The following ALDH2 variants were observed in gnomAD, a reference collection of about 807,000 sequenced individuals.
The protein encoded by ALDH2 is aldehyde dehydrogenase 2 family member, also known as aldehyde dehydrogenase, mitochondrial.
In ALDH2, 44 loss-of-function variants were observed where a neutral mutation model predicts 59.6. That is an observed-to-expected ratio of 0.74 (90% CI 0.58 to 0.95). The LOEUF is 0.95. Among genes scored for constraint, ALDH2 ranks in the 40% least tolerant of loss-of-function variants. ALDH2 has a pLI of 0.00. For synonymous variants in ALDH2, 291 were observed against 284.0 expected (o/e 1.02, Z -0.25); for missense variants, 570 against 696.3 (o/e 0.82, Z 2.04).
chr12:111,808,021 C>T (rs558782815), intron 12 of ALDH2, among the ~76,000 whole-genome samples: 8 of 152,022 alleles, frequency 5.3e-5, no homozygotes, highest in South Asian at 4.2e-4. Context: ...GGATTACAGG[C>T]GCCTGCCACC....
intron 10 of ALDH2, among the ~76,000 whole-genome samples, chr12:111,799,508 T>C (rs1272184284): frequency 6.6e-6 from 1 of 150,474 alleles, no homozygotes; most frequent in East Asian, 2.0e-4. Context: ...AGGGTCTCTC[T>C]GTGTTTGCCA....
chr12:111,774,680 G>A (rs968742355), intron 1 of ALDH2, among the ~76,000 whole-genome samples: 2 of 152,136 alleles, frequency 1.3e-5, no homozygotes, highest in Non-Finnish European at 2.9e-5. Context: ...TTTCATTGGA[G>A]ACCCTGGGCA....
intron 9 of ALDH2, among the ~76,000 whole-genome samples, chr12:111,794,863 G>A (rs929666522): frequency 3.3e-5 from 5 of 152,218 alleles, no homozygotes; most frequent in Admixed American, 3.3e-4. Context: ...AGCATAAAAT[G>A]CACCATTTTA....
intron 4 of ALDH2, among the ~76,000 whole-genome samples, chr12:111,787,390 G>A (rs1170890834): frequency 6.6e-6 from 1 of 152,160 alleles, no homozygotes; most frequent in African/African-American, 2.4e-5. Context: ...ACCTGTTCTT[G>A]TACCTCCATG....
At position 111,790,532 on chromosome 12, in the gene ALDH2, C is replaced by T. The variant is rs138201631; in HGVS notation, c.651C>T (p.Thr217=). Residue 217 remains threonine, a synonymous_variant, in exon 6 of 13, where the codon ACC becomes ACT. Coordinates refer to ENST00000261733, the MANE Select transcript of ALDH2 (RefSeq NM_000690.4). ...VMKVAEQTPL[T]ALYVANLIKE... is the part of the protein sequence containing the mutation. ...AGGTAGCTGAGCAGACACCCCTCAC[C>T]GCCCTCTATGTGGCCAACCTGATCA... 397 of 1,614,156 alleles carry T rather than the reference C, an allele frequency of 2.5e-4. No individual in the cohort carries two copies. In the African/African-American group the frequency reaches 3.3e-3, roughly 14 times the overall value.
chr12:111,768,972 G>A (rs1445319103), intron 1 of ALDH2, among the ~76,000 whole-genome samples: 1 of 152,158 alleles, frequency 6.6e-6, no homozygotes, highest in Non-Finnish European at 1.5e-5. Flanking sequence ...AACAGAACAA[G>A]ACCCTGTCTC....
chr12:111,777,943 C>T (rs1207216717), intron 1 of ALDH2, among the ~76,000 whole-genome samples: 5 of 152,186 alleles, frequency 3.3e-5, no homozygotes, highest in African/African-American at 4.8e-5. Flanking sequence ...TGTTCTTCTC[C>T]GGTGCCAAGA....
At chr12:111,787,968 G>A (rs2068323504) in intron 4 of ALDH2, among the ~76,000 whole-genome samples, 1 of 152,094 alleles carries the variant, frequency 6.6e-6, no homozygotes, top group Admixed American at 6.6e-5. Flanking sequence ...GAACCTGGGA[G>A]GTGGAGCTTG....
At chr12:111,784,967 G>A (rs752335420) in intron 3 of ALDH2, among the ~76,000 whole-genome samples, 13 of 152,132 alleles carry the variant, frequency 8.5e-5, no homozygotes, top group Non-Finnish European at 1.3e-4. Flanking sequence ...TAAGCTCCAC[G>A]CTGGTCTCTA....
chr12:111,798,013 A>G, intron 9 of ALDH2, 65 bp from the exon 10 acceptor site: 1 of 1,592,918 alleles, frequency 6.3e-7, no homozygotes, highest in South Asian at 1.1e-5. Flanking sequence ...GCATAATTCT[A>G]AGCCTGAAGC....
chr12:111,798,095 T>G lies in ALDH2; in HGVS notation c.1101T>G (p.Phe367Leu), dbSNP rs2068419883. The G allele has an allele frequency of 1.9e-6, 3 of 1,614,130 alleles. No homozygotes were observed. The African/African-American group carries it at 4.0e-5, about 22-fold the overall frequency. Residue 367 changes from phenylalanine (F) to leucine (L), a missense_variant, in exon 10 of 13, where the codon TTT becomes TTG. By Grantham distance (22) the Phe-to-Leu change is conservative. Transcript: ENST00000261733. ...EQGPQVDETQFKKILGYINTG... is the reference protein window; with the variant it reads ...EQGPQVDETQLKKILGYINTG... ...TCCCACAGGTGGATGAAACTCAGTTTAAGAAGATCCTCGGCTACATCAACA... is the reference window on the plus strand; with the variant it reads ...TCCCACAGGTGGATGAAACTCAGTTGAAGAAGATCCTCGGCTACATCAACA...
At chr12:111,796,247 G>A (rs1204127410) in intron 9 of ALDH2, among the ~76,000 whole-genome samples, 3 of 152,062 alleles carry the variant, frequency 2.0e-5, no homozygotes, top group Non-Finnish European at 2.9e-5. Context: ...ACTTGAACCC[G>A]GGAGGCGCAG....
At chr12:111,779,872 C>A (rs1175528932) in intron 1 of ALDH2, among the ~76,000 whole-genome samples, 1 of 152,194 alleles carries the variant, frequency 6.6e-6, no homozygotes, top group Non-Finnish European at 1.5e-5. Context: ...AGAGGGCGAA[C>A]TCTGGCACTT....
intron 1 of ALDH2, chr12:111,775,696 G>C: frequency 2.2e-6 from 1 of 455,548 alleles, no homozygotes; most frequent in Non-Finnish European, 4.4e-6. Flanking sequence ...ACCACGCCCC[G>C]CCCAAGAGCG....
intron 1 of ALDH2, among the ~76,000 whole-genome samples, chr12:111,778,229 T>A (rs1286274687): frequency 1.3e-5 from 2 of 152,084 alleles, no homozygotes; most frequent in African/African-American, 4.8e-5. Context: ...GCTTGTCCCA[T>A]GTGACAAAAT....
chr12:111,787,476 G>T (rs1337534749), intron 4 of ALDH2, among the ~76,000 whole-genome samples: 2 of 152,192 alleles, frequency 1.3e-5, no homozygotes, highest in Non-Finnish European at 2.9e-5. Context: ...TGAGTGGCTG[G>T]CCTTGGTTCT....
chr12:111,772,457 C>T (rs1320337030), intron 1 of ALDH2, among the ~76,000 whole-genome samples: 5 of 151,156 alleles, frequency 3.3e-5, no homozygotes, highest in Non-Finnish European at 7.4e-5. Context: ...CTCTGCCTCC[C>T]GGGTTCAAGC....
intron 12 of ALDH2, among the ~76,000 whole-genome samples, chr12:111,808,335 T>C (rs2068512502): frequency 1.3e-5 from 2 of 152,176 alleles, no homozygotes; most frequent in Non-Finnish European, 2.9e-5. Context: ...ATGGTGATGA[T>C]TGCACAACTT....
chr12:111,777,117 A>C (rs1472731547), intron 1 of ALDH2, among the ~76,000 whole-genome samples: 1 of 150,870 alleles, frequency 6.6e-6, no homozygotes, highest in Non-Finnish European at 1.5e-5. Context: ...TGGGAAAAAC[A>C]CAGGCCTTGG....
Sources: gnomAD v4.1 joint callset for allele counts (sites outside exome capture counted in the v4.1 genomes callset) on GRCh38, gnomAD v4.1.1 for gene constraint, MANE v1.5 for transcripts, NCBI Gene and HGNC (gene_info 2026-07-23, HGNC 2026-07-21) for gene names.